The following ZNRF3 variants were observed in gnomAD, a reference collection of about 807,000 sequenced individuals.
ZNRF3 encodes E3 ubiquitin-protein ligase ZNRF3.
Under a neutral mutation model 72.5 loss-of-function variants are expected in ZNRF3, and 23 were observed. The ratio of observed to expected loss-of-function variants is 0.32; its 90% CI spans 0.23 to 0.45. The LOEUF (loss-of-function observed/expected upper bound fraction) is 0.45, where lower values mean the gene tolerates loss of function less well. Among genes scored for constraint, ZNRF3 ranks in the 20% least tolerant of loss-of-function variants. The pLI is 1.00. For synonymous variants in ZNRF3, 610 were observed against 545.3 expected, an observed-to-expected ratio of 1.12 and a Z score of -1.65; for missense variants, 1,169 against 1,272.1, an observed-to-expected ratio of 0.92 and a Z score of 1.23.
At chr22:28,936,034 G>A (rs1473507183) in intron 1 of ZNRF3, among the ~76,000 whole-genome samples, 1 of 152,122 alleles carries the variant, frequency 6.6e-6, no homozygotes, top group Non-Finnish European at 1.5e-5. Flanking sequence ...GGTAATTTAG[G>A]AAGCTAAGCT....
At chr22:28,915,506 A>G (rs1233670513) in intron 1 of ZNRF3, among the ~76,000 whole-genome samples, 1 of 152,182 alleles carries the variant, frequency 6.6e-6, no homozygotes, top group African/African-American at 2.4e-5. Flanking sequence ...TTAAGACATG[A>G]TGACCCTCCA....
chr22:29,004,623 C>G (rs113624238), intron 2 of ZNRF3, among the ~76,000 whole-genome samples: 2 of 152,328 alleles, frequency 1.3e-5, no homozygotes, highest in African/African-American at 4.8e-5. Context: ...TGCTTTGTGT[C>G]TCTTCAACAG....
intron 2 of ZNRF3, among the ~76,000 whole-genome samples, chr22:29,001,041 G>T (rs531526327): frequency 1.3e-5 from 2 of 148,782 alleles, no homozygotes; most frequent in African/African-American, 5.0e-5. Context: ...CTCCTGCCTT[G>T]GCCTCCCAAA....
chr22:28,934,526 A>G (rs958862220), intron 1 of ZNRF3, among the ~76,000 whole-genome samples: 4 of 152,198 alleles, frequency 2.6e-5, no homozygotes, highest in African/African-American at 7.2e-5. Flanking sequence ...GCGAAAAAGT[A>G]TATCGATTAG....
intron 2 of ZNRF3, among the ~76,000 whole-genome samples, chr22:28,988,198 T>G (rs2035890182): frequency 6.6e-6 from 1 of 152,160 alleles, no homozygotes; most frequent in Admixed American, 6.5e-5. Context: ...GTCCTAAGGA[T>G]AGTGGTACTG....
chr22:28,969,508 C>T (rs1439506311), intron 1 of ZNRF3, among the ~76,000 whole-genome samples: 1 of 152,060 alleles, frequency 6.6e-6, no homozygotes, highest in Non-Finnish European at 1.5e-5. Flanking sequence ...GCAGAGGGAA[C>T]AAGAGCAAGT....
chr22:28,994,816 G>T (rs2036020807), intron 2 of ZNRF3, among the ~76,000 whole-genome samples: 1 of 152,142 alleles, frequency 6.6e-6, no homozygotes, highest in African/African-American at 2.4e-5. Context: ...AGAGCAGTGG[G>T]TATAAAAAAA....
chr22:28,894,173 G>T (rs1192229508), intron 1 of ZNRF3, among the ~76,000 whole-genome samples: 2 of 151,006 alleles, frequency 1.3e-5, no homozygotes, highest in East Asian at 3.9e-4. Flanking sequence ...GCCAAGGTTG[G>T]TCTCAAACTC....
chr22:29,057,154 A>T lies in ZNRF3; in HGVS notation c.*3532A>T, dbSNP rs114981975. ...GTCTAAGGGCTCTTTTTCCAACATTACCATTTTTAAAAAATGTTTTAAAAG... is the reference window on the plus strand; with the variant it reads ...GTCTAAGGGCTCTTTTTCCAACATTTCCATTTTTAAAAAATGTTTTAAAAG... On this transcript the variant is annotated 3_prime_UTR_variant, in exon 9 of 9. Transcript: ENST00000544604. 2 of 152,200 alleles carry T rather than the reference A, an allele frequency of 1.3e-5. No homozygotes were observed. Among genetic ancestry groups the T allele is most frequent in the African/African-American group, 2.4e-5 (1 of 41,434 alleles). 9.4% of individuals were successfully genotyped at this position (152,200 alleles called of 1,614,324 possible). A position where few individuals can be genotyped will look rare whatever the true frequency, so the allele number is the denominator to read the frequency against.
intron 1 of ZNRF3, among the ~76,000 whole-genome samples, chr22:28,918,920 T>C (rs2123766824): frequency 6.6e-6 from 1 of 152,232 alleles, no homozygotes; most frequent in Admixed American, 6.5e-5. Flanking sequence ...CTGGTGGAAA[T>C]ACCGGATTGG....
chr22:28,943,665 A>T (rs1330470493), intron 1 of ZNRF3, among the ~76,000 whole-genome samples: 2 of 151,938 alleles, frequency 1.3e-5, no homozygotes, highest in African/African-American at 4.8e-5. Flanking sequence ...TTATAATGTG[A>T]TTAACACACA....
intron 3 of ZNRF3, among the ~76,000 whole-genome samples, 154 bp downstream of exon 3, chr22:29,042,723 G>A (rs771677620): frequency 6.6e-6 from 1 of 152,150 alleles, no homozygotes; most frequent in Non-Finnish European, 1.5e-5. Context: ...AATTCCCAAA[G>A]GAGGTATACT....
At chr22:28,953,196 A>T (rs1158498706) in intron 1 of ZNRF3, among the ~76,000 whole-genome samples, 1 of 152,214 alleles carries the variant, frequency 6.6e-6, no homozygotes, top group Non-Finnish European at 1.5e-5. Context: ...CAGGGAAGGC[A>T]TGGTAGGTGA....
chr22:28,884,155 A>ACTGGCGGG (rs1219201960), intron 1 of ZNRF3, 89 bp downstream of exon 1: 2 of 974,360 alleles, frequency 2.1e-6, no homozygotes, highest in East Asian at 1.6e-4. Flanking sequence ...GGGCTGCCTG[A>ACTGGCGGG]CTGGCGGGCG....
intron 1 of ZNRF3, among the ~76,000 whole-genome samples, chr22:28,985,129 G>A (rs1032924436): frequency 1.3e-5 from 2 of 152,050 alleles, no homozygotes; most frequent in African/African-American, 4.8e-5. Flanking sequence ...CCCTCCACTC[G>A]TTGCTGTCTC....
At chr22:28,923,807 C>T (rs2034548597) in intron 1 of ZNRF3, among the ~76,000 whole-genome samples, 1 of 152,248 alleles carries the variant, frequency 6.6e-6, no homozygotes, top group Non-Finnish European at 1.5e-5. Flanking sequence ...CAAGGGGCAA[C>T]CCCACACTCC....
intron 1 of ZNRF3, among the ~76,000 whole-genome samples, chr22:28,982,726 A>G (rs1221232378): frequency 6.6e-6 from 1 of 152,136 alleles, no homozygotes; most frequent in African/African-American, 2.4e-5. Context: ...GTTCCCTAAG[A>G]ATATTTTCAC....
At chr22:28,970,089 C>A (rs897768140) in intron 1 of ZNRF3, among the ~76,000 whole-genome samples, 3 of 151,920 alleles carry the variant, frequency 2.0e-5, no homozygotes, top group Non-Finnish European at 4.4e-5. Context: ...CCTTCTTACC[C>A]GACTACAAAG....
At chr22:29,004,599 C>T (rs1170554613) in intron 2 of ZNRF3, among the ~76,000 whole-genome samples, 2 of 152,310 alleles carry the variant, frequency 1.3e-5, no homozygotes, top group East Asian at 3.9e-4. Context: ...AGTGGCATGT[C>T]TCCTTTCAAG....
Sources: gnomAD v4.1 joint callset for allele counts (sites outside exome capture counted in the v4.1 genomes callset) on GRCh38, gnomAD v4.1.1 for gene constraint, MANE v1.5 for transcripts, NCBI Gene and HGNC (gene_info 2026-07-23, HGNC 2026-07-21) for gene names.